The following SPAG17 variants were observed in gnomAD, a reference collection of about 807,000 sequenced individuals.
SPAG17 encodes sperm-associated antigen 17.
In SPAG17, 169 loss-of-function variants were observed where a neutral mutation model predicts 273.6. That is an observed-to-expected ratio of 0.62 (90% CI 0.55 to 0.70). The LOEUF is 0.70. Ranked by LOEUF, SPAG17 falls within the 30% of genes least tolerant of loss-of-function variation. The pLI is 0.00. For missense variants in SPAG17, 2,557 were observed against 2,627.8 expected (o/e 0.97, Z 0.59); for synonymous variants, 825 against 873.2 (o/e 0.94, Z 0.97).
intron 28 of SPAG17, among the ~76,000 whole-genome samples, chr1:118,021,889 T>C (rs377009118): frequency 1.3e-5 from 2 of 152,218 alleles, no homozygotes; most frequent in East Asian, 1.9e-4. Flanking sequence ...GCCGAGAAAT[T>C]TGGAAAGCTA....
At chr1:118,030,126 T>C (rs1343244090) in intron 25 of SPAG17, among the ~76,000 whole-genome samples, 1 of 152,154 alleles carries the variant, frequency 6.6e-6, no homozygotes, top group Non-Finnish European at 1.5e-5. Flanking sequence ...CCTGGAGTTA[T>C]TCTGTTTTAA....
chr1:118,099,726 T>A lies in SPAG17; in HGVS notation c.709A>T (p.Met237Leu). Residue 237 changes from methionine to leucine, a missense_variant, in exon 6 of 49, where the codon ATG (methionine) becomes TTG (leucine). Met to Leu is a conservative substitution (Grantham distance 15, BLOSUM62 2). Transcript: ENST00000336338. The stretch of plus-strand genomic sequence containing the variant: ...GTTATAGGAATGCCAAGCTCAGCCA[T>A]AATTGCTAATAGCTGAGGATTGTTA... ...GFNNPQLLAI[M>L]AELGIPITSV... The A allele has an allele frequency of 6.2e-7, 1 of 1,613,828 alleles. No homozygotes were observed. The highest frequency in any genetic ancestry group is 8.5e-7 in the Non-Finnish European group (1 of 1,179,928).
intron 16 of SPAG17, 123 bp downstream of exon 16, chr1:118,074,416 T>C: frequency 1.2e-6 from 1 of 843,054 alleles, no homozygotes; most frequent in Non-Finnish European, 1.9e-6. Context: ...TAGTTCCTCT[T>C]TTCTAGCCTC....
intron 32 of SPAG17, among the ~76,000 whole-genome samples, chr1:118,000,539 A>G (rs1334278830): frequency 3.3e-5 from 5 of 152,134 alleles, no homozygotes; most frequent in Admixed American, 6.5e-5. Context: ...GGTCCTTCAC[A>G]TCCCTTGTAA....
At chr1:118,112,844 C>T (rs1656855110) in intron 4 of SPAG17, among the ~76,000 whole-genome samples, 1 of 152,000 alleles carries the variant, frequency 6.6e-6, no homozygotes, top group Non-Finnish European at 1.5e-5. Context: ...TTAACCATAG[C>T]CCAGTTTAAA....
At chr1:118,088,563 T>G (rs1283820500) in intron 10 of SPAG17, among the ~76,000 whole-genome samples, 1 of 151,852 alleles carries the variant, frequency 6.6e-6, no homozygotes, top group African/African-American at 2.4e-5. Flanking sequence ...ACCAGAAAAA[T>G]GTATATGGGA....
chr1:118,054,646 G>A (rs1263069503), intron 19 of SPAG17, among the ~76,000 whole-genome samples: 1 of 152,026 alleles, frequency 6.6e-6, no homozygotes, highest in Non-Finnish European at 1.5e-5. Context: ...CTTACTAATA[G>A]GGAGGTGTGG....
chr1:118,044,485 C>CAAA (rs879665719), intron 20 of SPAG17, among the ~76,000 whole-genome samples: 1 of 138,468 alleles, frequency 7.2e-6, no homozygotes. Context: ...ACTCCATCTC[C>CAAA]AAAAAAAAAA....
rs1456713187 is a variant in SPAG17, at chr1:118,086,064, C to A, written c.1620G>T (p.Lys540Asn). 1.2e-6 allele frequency: 2 copies of A among 1,613,226 alleles called. No individual in the cohort carries two copies. Among genetic ancestry groups the A allele is most frequent in the Middle Eastern group, 1.7e-4 (1 of 6,056 alleles). ...AHKKYALQDQ[K>N]NFDPVQIEQE... ...GCTCAATTTGAACTGGATCAAAATT[C>A]TTTTGGTCCTGATGAAAAAGAGCAA... Residue 540 changes from lysine (K) to asparagine (N), a missense_variant, in exon 13 of 49, where the codon AAG becomes AAT. Lys to Asn is a moderately conservative substitution (Grantham distance 94). Transcript: ENST00000336338.
intron 6 of SPAG17, among the ~76,000 whole-genome samples, chr1:118,098,952 T>C (rs1314217984): frequency 2.0e-5 from 3 of 152,192 alleles, no homozygotes. Context: ...CAACAGCATA[T>C]GGCAGAAAAA....
At chr1:118,136,298 C>T (rs770699077) in intron 3 of SPAG17, among the ~76,000 whole-genome samples, 39 of 152,150 alleles carry the variant, frequency 2.6e-4, no homozygotes, top group Non-Finnish European at 4.9e-4. Context: ...CAAATGCACT[C>T]GTGGTATGCA....
intron 22 of SPAG17, 42 bp downstream of exon 22, chr1:118,040,688 T>G (rs1649641571): frequency 7.5e-7 from 1 of 1,325,492 alleles, no homozygotes; most frequent in African/African-American, 1.4e-5. Flanking sequence ...TGAAATGCAT[T>G]ATTATGTTTC....
chr1:117,963,950 G>A lies in SPAG17; in HGVS notation c.6533-12C>T. ...GCTTGTTAAAACAGGTAAAATACTTGTTAAGGGCTGTGCTTTTCATGACTA... is the reference window on the plus strand; with the variant it reads ...GCTTGTTAAAACAGGTAAAATACTTATTAAGGGCTGTGCTTTTCATGACTA... On this transcript the variant is annotated splice_polypyrimidine_tract_variant and intron_variant, in intron 47 of 48. Coordinates refer to ENST00000336338, the MANE Select transcript of SPAG17 (RefSeq NM_206996.4). The A allele has an allele frequency of 1.9e-6, 3 of 1,610,026 alleles. No homozygotes were observed. The highest frequency in any genetic ancestry group is 2.5e-6 in the Non-Finnish European group (3 of 1,178,146).
At chr1:118,151,558 A>C (rs553027758) in intron 1 of SPAG17, among the ~76,000 whole-genome samples, 189 bp from the exon 2 acceptor site, 6 of 152,240 alleles carry the variant, frequency 3.9e-5, no homozygotes, top group Non-Finnish European at 8.8e-5. Context: ...AATTTCATGC[A>C]ACTTGACCAA....
At chr1:117,958,934 C>G in intron 48 of SPAG17, 1 of 1,613,828 alleles carries the variant, frequency 6.2e-7, no homozygotes, top group Non-Finnish European at 8.5e-7. Context: ...AGATCACTAG[C>G]AATCAAATGC....
At chr1:117,959,842 T>G (rs1047192457) in intron 48 of SPAG17, 3 of 154,770 alleles carry the variant, frequency 1.9e-5, no homozygotes, top group African/African-American at 7.2e-5. Flanking sequence ...TTATTTATAT[T>G]AGGTTTTACT....
intron 38 of SPAG17, among the ~76,000 whole-genome samples, chr1:117,989,250 T>C (rs1656790504): frequency 6.6e-6 from 1 of 152,112 alleles, no homozygotes; most frequent in Non-Finnish European, 1.5e-5. Context: ...GAAAAGAGGT[T>C]TCTTTGGCTC....
At chr1:118,166,957 T>C (rs1264184114) in intron 1 of SPAG17, among the ~76,000 whole-genome samples, 1 of 152,196 alleles carries the variant, frequency 6.6e-6, no homozygotes, top group Non-Finnish European at 1.5e-5. Flanking sequence ...TGTGTAGATA[T>C]TACTTTTTGA....
chr1:117,961,884 C>T (rs1471859387), intron 48 of SPAG17: 2 of 152,240 alleles, frequency 1.3e-5, no homozygotes, highest in African/African-American at 2.4e-5. Flanking sequence ...GCTATTCCTG[C>T]CACCAGGGAG....
Sources: gnomAD v4.1 joint callset for allele counts (sites outside exome capture counted in the v4.1 genomes callset) on GRCh38, gnomAD v4.1.1 for gene constraint, MANE v1.5 for transcripts, NCBI Gene and HGNC (gene_info 2026-07-23, HGNC 2026-07-21) for gene names.